SSH2: variants seen among roughly 807,000 people sequenced by gnomAD.
The protein encoded by SSH2 is slingshot protein phosphatase 2.
SSH2 carries 37 observed loss-of-function variants against 135.2 expected under a neutral mutation model. The ratio of observed to expected loss-of-function variants is 0.27; its 90% CI spans 0.21 to 0.36. The LOEUF (loss-of-function observed/expected upper bound fraction) is 0.36, where lower values mean the gene tolerates loss of function less well. SSH2 is among the 10% of genes least tolerant of loss of function. The probability of loss-of-function intolerance (pLI) is 1.00; values close to 1 mark genes in which losing one functional copy is unlikely to be tolerated. For missense variants in SSH2, 1,408 were observed against 1,765.3 expected, an observed-to-expected ratio of 0.80 and a Z score of 3.63; for synonymous variants, 628 against 646.2, an observed-to-expected ratio of 0.97 and a Z score of 0.43.
At chr17:29,810,218 T>A (rs1349263346) in intron 2 of SSH2, among the ~76,000 whole-genome samples, 1 of 152,124 alleles carries the variant, frequency 6.6e-6, no homozygotes, top group African/African-American at 2.4e-5. Context: ...TACAAAAAGA[T>A]AGTAATTCCT....
intron 1 of SSH2, among the ~76,000 whole-genome samples, chr17:29,917,132 T>C (rs1353333500): frequency 6.6e-6 from 1 of 152,110 alleles, no homozygotes; most frequent in Non-Finnish European, 1.5e-5. Flanking sequence ...AAACACACAC[T>C]TTCCAAACAT....
intron 2 of SSH2, among the ~76,000 whole-genome samples, chr17:29,794,182 G>A (rs1477252942): frequency 6.6e-6 from 1 of 152,130 alleles, no homozygotes; most frequent in Non-Finnish European, 1.5e-5. Flanking sequence ...ACAATGAAGT[G>A]CTATTCATTA....
intron 1 of SSH2, among the ~76,000 whole-genome samples, chr17:29,919,767 T>C (rs534244838): frequency 6.6e-6 from 1 of 152,262 alleles, no homozygotes; most frequent in Non-Finnish European, 1.5e-5. Context: ...GGTGTTTTTT[T>C]TTTTTAATGG....
At chr17:29,701,238 C>T (rs530071644) in intron 4 of SSH2, among the ~76,000 whole-genome samples, 2 of 151,932 alleles carry the variant, frequency 1.3e-5, no homozygotes, top group Non-Finnish European at 2.9e-5. Flanking sequence ...CCCAAAGTGC[C>T]GGGATTACAG....
intron 11 of SSH2, among the ~76,000 whole-genome samples, chr17:29,666,047 TC>T (rs2037257443): frequency 6.6e-6 from 1 of 152,146 alleles, no homozygotes; most frequent in South Asian, 2.1e-4. Context: ...TAAAGGATCA[TC>T]CTATTTGGGG....
chr17:29,848,073 C>CA (rs963240320), intron 2 of SSH2, among the ~76,000 whole-genome samples: 3 of 152,152 alleles, frequency 2.0e-5, no homozygotes, highest in Non-Finnish European at 2.9e-5. Context: ...TGATTTCTTT[C>CA]CTGGTGAAAC....
At chr17:29,884,971 A>G (rs141875007) in intron 1 of SSH2, among the ~76,000 whole-genome samples, 1 of 152,300 alleles carries the variant, frequency 6.6e-6, no homozygotes, top group Non-Finnish European at 1.5e-5. Context: ...ATGCTTGTAA[A>G]GATGCATATT....
chr17:29,720,987 T>G (rs1057241663), intron 3 of SSH2, among the ~76,000 whole-genome samples: 3 of 152,236 alleles, frequency 2.0e-5, no homozygotes, highest in Admixed American at 1.3e-4. Flanking sequence ...ACTGGTTTCT[T>G]GCAAATTTAA....
intron 2 of SSH2, among the ~76,000 whole-genome samples, chr17:29,813,551 C>T (rs905607846): frequency 2.0e-5 from 3 of 152,058 alleles, no homozygotes; most frequent in African/African-American, 7.2e-5. Context: ...GGCACGGTGG[C>T]TCACGCCTGT....
At chr17:29,749,031 T>C (rs114840385) in intron 3 of SSH2, among the ~76,000 whole-genome samples, 1 of 152,276 alleles carries the variant, frequency 6.6e-6, no homozygotes, top group African/African-American at 2.4e-5. Flanking sequence ...AAAATATTAT[T>C]CCGTAGATAT....
intron 3 of SSH2, among the ~76,000 whole-genome samples, chr17:29,770,092 G>GTTTTTTTGTTTTTTTTTT (rs1567963018): frequency 4.1e-5 from 3 of 72,924 alleles, no homozygotes; most frequent in Non-Finnish European, 5.9e-5. Context: ...GCTATATTTA[G>GTTTTTTTGTTTTTTTTTT]TTTTTTTTTT....
chr17:29,894,246 C>A (rs1448383722), intron 1 of SSH2, among the ~76,000 whole-genome samples: 2 of 152,084 alleles, frequency 1.3e-5, no homozygotes, highest in Non-Finnish European at 2.9e-5. Context: ...TGCAAAGGCT[C>A]AATAAATGGT....
intron 1 of SSH2, among the ~76,000 whole-genome samples, chr17:29,860,055 C>T (rs958838878): frequency 3.9e-5 from 6 of 152,128 alleles, no homozygotes; most frequent in African/African-American, 1.2e-4. Flanking sequence ...ACCATGTTGA[C>T]CAGGCTGGTT....
rs1442361031 is a variant in SSH2 at position 29,632,344 on chromosome 17, A to C, written c.2850T>G (p.Phe950Leu). Residue 950 changes from phenylalanine to leucine, a missense_variant, in exon 16 of 16, where the codon TTT becomes TTG. By Grantham distance (22) the Phe-to-Leu change is conservative. Transcript: ENST00000540801. ...TGCTCATTTCTGGTTCCTTGAGGACAAATGAATGTTCTGGGGGGGCTTCAT... is the reference window on the plus strand; with the variant it reads ...TGCTCATTTCTGGTTCCTTGAGGACCAATGAATGTTCTGGGGGGGCTTCAT... ...KSDEAPPEHS[F>L]VLKEPEMSKG... 1 of 1,613,958 alleles carries C rather than the reference A, an allele frequency of 6.2e-7. No individual in the cohort carries two copies. Among genetic ancestry groups the C allele is most frequent in the East Asian group, 2.2e-5 (1 of 44,870 alleles).
intron 3 of SSH2, among the ~76,000 whole-genome samples, chr17:29,782,684 C>G (rs2041865326): frequency 6.6e-6 from 1 of 151,990 alleles, no homozygotes; most frequent in Admixed American, 6.6e-5. Flanking sequence ...TTCCTGGGTT[C>G]AAGCGATTCT....
chr17:29,673,948 A>T, intron 8 of SSH2: 1 of 337,114 alleles, frequency 3.0e-6, no homozygotes, highest in Admixed American at 3.7e-5. Context: ...TTTTGCTATT[A>T]TTAGAACACT....
At chr17:29,807,083 C>G (rs1273610245) in intron 2 of SSH2, among the ~76,000 whole-genome samples, 1 of 152,144 alleles carries the variant, frequency 6.6e-6, no homozygotes, top group African/African-American at 2.4e-5. Flanking sequence ...AACAAGAGGA[C>G]TAACCAAGGT....
intron 14 of SSH2, among the ~76,000 whole-genome samples, chr17:29,637,107 C>T (rs992489167): frequency 1.3e-5 from 2 of 152,040 alleles, no homozygotes; most frequent in African/African-American, 4.8e-5. Flanking sequence ...AATGTGAATT[C>T]AGAATTTTTG....
intron 12 of SSH2, 111 bp downstream of exon 12, chr17:29,655,450 A>C: frequency 9.9e-7 from 1 of 1,007,908 alleles, no homozygotes; most frequent in South Asian, 1.3e-5. Flanking sequence ...AATCAGTCAG[A>C]TGCAACTCTT....
Sources: allele counts gnomAD v4.1 joint callset (sites outside exome capture counted in the v4.1 genomes callset), GRCh38; gene constraint gnomAD v4.1.1; transcripts MANE v1.5; gene names NCBI Gene and HGNC (gene_info 2026-07-23, HGNC 2026-07-21).